The following PLEKHA5 variants were observed in gnomAD, a reference collection of about 807,000 sequenced individuals.
PLEKHA5 encodes the protein pleckstrin homology domain containing A5.
Under a neutral mutation model 181.9 loss-of-function variants are expected in PLEKHA5, and 55 were observed. The ratio of observed to expected loss-of-function variants is 0.30; its 90% CI spans 0.24 to 0.38. The LOEUF (loss-of-function observed/expected upper bound fraction) is 0.38, where lower values mean the gene tolerates loss of function less well. Ranked by LOEUF, PLEKHA5 falls within the 10% of genes least tolerant of loss-of-function variation. The probability of loss-of-function intolerance (pLI) is 1.00; values close to 1 mark genes in which losing one functional copy is unlikely to be tolerated. For missense variants in PLEKHA5, 1,432 were observed against 1,549.5 expected, an observed-to-expected ratio of 0.92 and a Z score of 1.27; for synonymous variants, 535 against 529.4, an observed-to-expected ratio of 1.01 and a Z score of -0.15.
At chr12:19,220,883 G>A (rs1000002598) in intron 3 of PLEKHA5, among the ~76,000 whole-genome samples, 1 of 152,094 alleles carries the variant, frequency 6.6e-6, no homozygotes, top group Non-Finnish European at 1.5e-5. Context: ...AAAACACACA[G>A]ATGGCAAATG....
At chr12:19,325,776 A>C (rs995529147) in intron 20 of PLEKHA5, among the ~76,000 whole-genome samples, 21 of 152,200 alleles carry the variant, frequency 1.4e-4, no homozygotes, top group Admixed American at 5.2e-4. Context: ...TGGGAGGCCA[A>C]GGCAGGCAGA....
chr12:19,237,248 T>A (rs183438383), intron 3 of PLEKHA5, among the ~76,000 whole-genome samples: 13 of 152,312 alleles, frequency 8.5e-5, no homozygotes, highest in Non-Finnish European at 1.6e-4. Context: ...TCATTAGGTT[T>A]GCAAATGCTT....
chr12:19,361,897 G>A (rs765105722), intron 29 of PLEKHA5, among the ~76,000 whole-genome samples, 191 bp downstream of exon 29: 7 of 152,062 alleles, frequency 4.6e-5, no homozygotes, highest in Non-Finnish European at 8.8e-5. Context: ...AGGGCTGGAC[G>A]CACTGGTGCA....
At chr12:19,184,018 T>C (rs150050097) in intron 3 of PLEKHA5, among the ~76,000 whole-genome samples, 92 of 152,216 alleles carry the variant, frequency 6.0e-4, no homozygotes, top group Non-Finnish European at 4.0e-4. Context: ...CCTGGTCTTA[T>C]AAGGAAAAAT....
At chr12:19,143,003 A>G (rs1010838289) in intron 3 of PLEKHA5, among the ~76,000 whole-genome samples, 1 of 152,152 alleles carries the variant, frequency 6.6e-6, no homozygotes, top group Non-Finnish European at 1.5e-5. Flanking sequence ...ATATTCCATC[A>G]TATTTTCTTT....
intron 15 of PLEKHA5, among the ~76,000 whole-genome samples, chr12:19,302,888 A>G (rs1207173476): frequency 1.4e-5 from 2 of 143,658 alleles, no homozygotes; most frequent in Admixed American, 7.1e-5. Flanking sequence ...TCTGTTGGAC[A>G]GCACTGTTCT....
chr12:19,295,657 A>G (rs1184235096), intron 15 of PLEKHA5, among the ~76,000 whole-genome samples: 3 of 152,220 alleles, frequency 2.0e-5, no homozygotes, highest in Non-Finnish European at 2.9e-5. Context: ...CATAGAGCCA[A>G]CTATAAGTCA....
chr12:19,133,354 G>A (rs1321379623), intron 3 of PLEKHA5, among the ~76,000 whole-genome samples: 2 of 151,876 alleles, frequency 1.3e-5, no homozygotes, highest in Admixed American at 6.5e-5. Flanking sequence ...GGGTGGTTTT[G>A]TCTTTTTATT....
rs1162526320 is a variant in PLEKHA5, at chr12:19,320,107, G to T, written c.2154+51G>T. The stretch of plus-strand genomic sequence containing the variant: ...ATGTATACAATATGTTATAGGTTTT[G>T]TTAAGATGTGTTGACATTTGAGTGT... On this transcript the variant is annotated intron_variant, in intron 17 of 31. Transcript: ENST00000429027. 7.4e-6 allele frequency: 5 copies of T among 674,796 alleles called. No individual in the cohort carries two copies. The South Asian group carries it at 1.0e-4, about 14-fold the overall frequency. The allele number at this position is 674,796 out of a possible 1,614,324, so 41.8% of individuals were successfully genotyped here. A position where few individuals can be genotyped will look rare whatever the true frequency, so the allele number is the denominator to read the frequency against.
At chr12:19,204,756 A>G (rs1293622107) in intron 3 of PLEKHA5, among the ~76,000 whole-genome samples, 1 of 152,146 alleles carries the variant, frequency 6.6e-6, no homozygotes, top group East Asian at 1.9e-4. Flanking sequence ...CAAACATTTT[A>G]ATAAATACAT....
Position 19,132,406 on chromosome 12 carries a change from C to T in PLEKHA5, c.183C>T (p.Gly61=), listed in dbSNP as rs753059357. ...HRRQSTDLPT[G]WEEAYTFEGA... Reference sequence around the variant, plus strand: ...GTATTGTTTTAGATTTGCCTACTGGCTGGGAAGAAGCATATACTTTTGAAG... The same window carrying T: ...GTATTGTTTTAGATTTGCCTACTGGTTGGGAAGAAGCATATACTTTTGAAG... The change falls in exon 3 of 32, where the codon GGC becomes GGT. Residue 61 remains glycine, a synonymous_variant. Coordinates refer to ENST00000429027, the MANE Select transcript of PLEKHA5 (RefSeq NM_001256470.2). 9.1e-6 allele frequency: 14 copies of T among 1,539,478 alleles called. No homozygotes were observed. Among genetic ancestry groups the T allele is most frequent in the African/African-American group, 1.4e-5 (1 of 72,412 alleles).
At position 19,257,440 on chromosome 12, in the gene PLEKHA5, G is replaced by A. The variant is rs1331276990; in HGVS notation, c.440G>A (p.Arg147Gln). The change falls in exon 6 of 32, where the codon CGA becomes CAA. Residue 147 changes from arginine to glutamine, a missense_variant. Around this residue, in one of 2 missense-constraint regions of PLEKHA5, gnomAD observed 289 missense variants for 381.1 expected, o/e 0.76. Coordinates refer to ENST00000429027, the MANE Select transcript of PLEKHA5 (RefSeq NM_001256470.2). ...HPMSPVGRTS[R>Q]ASKKVHNFGK... is the part of the protein sequence containing the mutation. ...TGCTCTTTTTCTATTTAGACTTCAC[G>A]AGCTTCAAAAAAAGTTCATAATTTT... 3.2e-6 allele frequency: 5 copies of A among 1,551,650 alleles called. No individual in the cohort carries two copies. Among genetic ancestry groups the A allele is most frequent in the Admixed American group, 1.7e-5 (1 of 58,920 alleles).
intron 30 of PLEKHA5, among the ~76,000 whole-genome samples, chr12:19,367,711 C>G (rs2095469951): frequency 6.6e-6 from 1 of 151,788 alleles, no homozygotes; most frequent in Non-Finnish European, 1.5e-5. Flanking sequence ...TCCTGAGTAG[C>G]TGGGACTGTA....
chr12:19,218,736 G>A (rs1040335669), intron 3 of PLEKHA5, among the ~76,000 whole-genome samples: 3 of 151,902 alleles, frequency 2.0e-5, no homozygotes, highest in Non-Finnish European at 4.4e-5. Context: ...TTGATAGAAA[G>A]GTTGCCTGGA....
At chr12:19,300,460 G>A (rs1295897907) in intron 15 of PLEKHA5, among the ~76,000 whole-genome samples, 2 of 152,072 alleles carry the variant, frequency 1.3e-5, no homozygotes, top group Non-Finnish European at 2.9e-5. Context: ...AATTATAAAA[G>A]TAGCTCATTA....
chr12:19,193,661 A>G (rs912798699), intron 3 of PLEKHA5, among the ~76,000 whole-genome samples: 1 of 152,116 alleles, frequency 6.6e-6, no homozygotes, highest in Non-Finnish European at 1.5e-5. Flanking sequence ...GCAACCTCCT[A>G]TCATCCACCC....
chr12:19,327,519 C>T (rs1019727585), intron 20 of PLEKHA5, among the ~76,000 whole-genome samples: 5 of 151,630 alleles, frequency 3.3e-5, no homozygotes, highest in Non-Finnish European at 5.9e-5. Flanking sequence ...GGGTAGTTTG[C>T]GAGTATTTTC....
intron 16 of PLEKHA5, among the ~76,000 whole-genome samples, chr12:19,316,257 T>G (rs995999404): frequency 2.6e-5 from 4 of 152,170 alleles, no homozygotes; most frequent in Non-Finnish European, 4.4e-5. Context: ...ATATTTTAGA[T>G]GAGAATGGTA....
intron 31 of PLEKHA5, chr12:19,372,203 G>C (rs1244522250): frequency 6.6e-6 from 1 of 152,156 alleles, no homozygotes; most frequent in Non-Finnish European, 1.5e-5. Context: ...GTTTCACCAT[G>C]TTGGCCAGTA....
Sources: gnomAD v4.1 joint callset for allele counts (sites outside exome capture counted in the v4.1 genomes callset) on GRCh38, gnomAD v4.1.1 for gene constraint, gnomAD v4.1.1 regional missense constraint, MANE v1.5 for transcripts, NCBI Gene and HGNC (gene_info 2026-07-23, HGNC 2026-07-21) for gene names.